The following GLB1 variants were observed in gnomAD, a reference collection of about 807,000 sequenced individuals.
The protein encoded by GLB1 is galactosidase beta 1.
Under a neutral mutation model 74.0 loss-of-function variants are expected in GLB1, and 56 were observed. The ratio of observed to expected loss-of-function variants is 0.76; its 90% CI spans 0.61 to 0.94. The LOEUF is 0.94. GLB1 is among the 40% of genes least tolerant of loss of function. The pLI is 0.00. For missense variants in GLB1, 787 were observed against 845.5 expected, an observed-to-expected ratio of 0.93 and a Z score of 0.86; for synonymous variants, 323 against 323.6, an observed-to-expected ratio of 1.00 and a Z score of 0.02.
the GLB1 span, among the ~76,000 whole-genome samples, chr3:32,972,876 A>G: frequency 0.14 from 21,282 of 152,216 alleles, 1,675 homozygotes; most frequent in Non-Finnish European, 0.18. Flanking sequence ...TTCTGTGGCT[A>G]GTAAGCCTTA....
intron 4 of GLB1, among the ~76,000 whole-genome samples, chr3:33,067,335 G>A (rs1341364620): frequency 1.3e-5 from 2 of 151,784 alleles, no homozygotes; most frequent in East Asian, 1.9e-4. Flanking sequence ...GTCCCTCTCT[G>A]TTGCCCAGGA....
intron 1 of GLB1, chr3:33,090,766 G>A (rs1700723436): frequency 2.0e-6 from 2 of 985,282 alleles, no homozygotes; most frequent in South Asian, 4.7e-5. Flanking sequence ...CCACATACGA[G>A]AGGGTGTTGA....
At position 33,091,207 on chromosome 3, in the gene GLB1, C is replaced by T. The variant is rs201587522; in HGVS notation, c.75+5804G>A. 46 of 985,370 alleles carry T rather than the reference C, an allele frequency of 4.7e-5. No homozygotes were observed. The East Asian group carries it at 3.6e-3, about 78-fold the overall frequency. 61.0% of individuals were successfully genotyped at this position (985,370 alleles called of 1,614,324 possible). A position where few individuals can be genotyped will look rare whatever the true frequency, so the allele number is the denominator to read the frequency against. ...AGAGAAAAAAGAATAAGGAAACCAC[C>T]AAAATTTCAACTCAAAGATACATTT... On this transcript the variant is annotated intron_variant, in intron 1 of 15. Coordinates refer to ENST00000307363, the MANE Select transcript of GLB1 (RefSeq NM_000404.4).
At chr3:33,053,977 C>T (rs1182318834) in intron 6 of GLB1, among the ~76,000 whole-genome samples, 1 of 152,032 alleles carries the variant, frequency 6.6e-6, no homozygotes, top group Non-Finnish European at 1.5e-5. Context: ...CGTGCCACTG[C>T]ACTCCAGCCT....
chr3:33,031,205 T>C (rs1697989568), intron 10 of GLB1, among the ~76,000 whole-genome samples: 1 of 152,310 alleles, frequency 6.6e-6, no homozygotes, highest in East Asian at 1.9e-4. Context: ...CATATTCCGC[T>C]TTTTGAGTCT....
chr3:33,008,269 G>C (rs912843023), intron 15 of GLB1, among the ~76,000 whole-genome samples: 2 of 152,180 alleles, frequency 1.3e-5, no homozygotes, highest in Admixed American at 6.5e-5. Flanking sequence ...AGGTCCTAGA[G>C]CTCCTAGTTA....
At chr3:33,090,190 C>CT (rs1216890163) in intron 1 of GLB1, among the ~76,000 whole-genome samples, 1 of 152,138 alleles carries the variant, frequency 6.6e-6, no homozygotes, top group Non-Finnish European at 1.5e-5. Flanking sequence ...TATAGCTATG[C>CT]TTTTTGAAAA....
chr3:33,089,838 C>A (rs1015597283), intron 1 of GLB1, among the ~76,000 whole-genome samples: 11 of 152,102 alleles, frequency 7.2e-5, no homozygotes, highest in African/African-American at 2.7e-4. Context: ...AATTTCACAA[C>A]AATGTGAATA....
intron 15 of GLB1, among the ~76,000 whole-genome samples, chr3:33,004,590 A>G (rs1696710472): frequency 6.6e-6 from 1 of 152,222 alleles, no homozygotes; most frequent in Non-Finnish European, 1.5e-5. Flanking sequence ...TTCCTCAGCC[A>G]TGTCTGTGCC....
chr3:33,016,725 T>C lies in GLB1; in HGVS notation c.1463A>G (p.Tyr488Cys), dbSNP rs756154087. Reference protein sequence around the residue: ...ENMGRVNYGAYINDFKGLVSN... With the variant: ...ENMGRVNYGACINDFKGLVSN... ...TTGTCCTACCTTAAAATCGTTGATA[T>C]ATGCACCATAGTTCACACGTCCCAT... is the stretch of plus-strand genomic sequence containing the variant. The change falls in exon 14 of 16, where the codon TAT (tyrosine) becomes TGT (cysteine). Residue 488 changes from tyrosine (Y) to cysteine (C), a missense_variant. By Grantham distance (194) the Tyr-to-Cys change is radical. Transcript: ENST00000307363. The C allele has an allele frequency of 5.6e-6, 9 of 1,614,026 alleles. No homozygotes were observed. Among genetic ancestry groups the C allele is most frequent in the South Asian group, 1.1e-5 (1 of 91,076 alleles).
At chr3:32,968,782 C>T in the GLB1 span, among the ~76,000 whole-genome samples, 1 of 152,338 alleles carries the variant, frequency 6.6e-6, no homozygotes, top group South Asian at 2.1e-4. Flanking sequence ...ACTAACTAAG[C>T]TTTTCTTCTT....
chr3:33,091,784 T>G (rs1700774257), intron 1 of GLB1: 2 of 985,360 alleles, frequency 2.0e-6, no homozygotes. Context: ...AGGAAGACTT[T>G]CCATCACAAG....
At chr3:33,001,074 G>A (rs949727494) in intron 15 of GLB1, among the ~76,000 whole-genome samples, 5 of 151,860 alleles carry the variant, frequency 3.3e-5, no homozygotes, top group Middle Eastern at 6.8e-3. Flanking sequence ...TGTGTCTGCC[G>A]CACTCCCCCT....
At chr3:33,019,835 C>T (rs1041525587) in intron 12 of GLB1, among the ~76,000 whole-genome samples, 1 of 152,150 alleles carries the variant, frequency 6.6e-6, no homozygotes, top group Non-Finnish European at 1.5e-5. Flanking sequence ...CCTGCAGAGA[C>T]AGTAGGCTGA....
the GLB1 span, among the ~76,000 whole-genome samples, chr3:32,964,134 A>C: frequency 5.0e-4 from 76 of 152,330 alleles, no homozygotes; most frequent in African/African-American, 1.7e-3. Flanking sequence ...ATCATGCTTG[A>C]TATAAACAGA....
At chr3:33,031,747 T>C (rs906309163) in intron 10 of GLB1, among the ~76,000 whole-genome samples, 4 of 144,856 alleles carry the variant, frequency 2.8e-5, no homozygotes, top group Middle Eastern at 3.8e-3. Context: ...AAATATGACA[T>C]GTTAAGCTGC....
downstream of GLB1, among the ~76,000 whole-genome samples, chr3:32,992,814 G>A (rs913382872): frequency 2.6e-5 from 4 of 152,236 alleles, no homozygotes; most frequent in South Asian, 2.1e-4. Context: ...AATCTTCACC[G>A]GGCATTCACA....
chr3:33,043,841 A>T (rs1219720079), intron 10 of GLB1, among the ~76,000 whole-genome samples: 1 of 126,996 alleles, frequency 7.9e-6, no homozygotes, highest in Non-Finnish European at 1.7e-5. Context: ...CAGACCAAAA[A>T]AAGAAAAAAA....
At chr3:33,023,368 A>T (rs1299155494) in intron 11 of GLB1, among the ~76,000 whole-genome samples, 1 of 152,226 alleles carries the variant, frequency 6.6e-6, no homozygotes, top group Non-Finnish European at 1.5e-5. Flanking sequence ...GAAAGACCAC[A>T]TTCTTTGTAG....
Sources: gnomAD v4.1 joint callset for allele counts (sites outside exome capture counted in the v4.1 genomes callset) on GRCh38, gnomAD v4.1.1 for gene constraint, MANE v1.5 for transcripts, NCBI Gene and HGNC (gene_info 2026-07-23, HGNC 2026-07-21) for gene names.